The following CRACD variants were observed in gnomAD, a reference collection of about 807,000 sequenced individuals.
CRACD encodes the protein capping protein inhibiting regulator of actin dynamics, also known as capping protein-inhibiting regulator of actin dynamics.
In CRACD, 56 loss-of-function variants were observed where a neutral mutation model predicts 106.8. That is an observed-to-expected ratio of 0.52 (90% CI 0.42 to 0.66). The LOEUF (loss-of-function observed/expected upper bound fraction) is 0.66, where lower values mean the gene tolerates loss of function less well. CRACD is among the 30% of genes least tolerant of loss of function. CRACD has a pLI of 0.00. For missense variants in CRACD, 1,730 were observed against 1,623.2 expected (o/e 1.07, Z -1.13); for synonymous variants, 754 against 670.8 (o/e 1.12, Z -1.92).
At chr4:56,271,732 T>C (rs1275672699) in intron 2 of CRACD, among the ~76,000 whole-genome samples, 4 of 152,080 alleles carry the variant, frequency 2.6e-5, no homozygotes, top group African/African-American at 4.8e-5. Context: ...CTTTTCTTTT[T>C]CTTTTTTATT....
Position 56,307,543 on chromosome 4 carries a change from G to A in CRACD, c.129G>A (p.Leu43=). ...LGKVKTLQQQ[L]GKNIKFGQRS... ...CTTCTGTTTCTCTCCAGCAACAGTT[G>A]GGCAAGAATATCAAGTTTGGGCAGC... Residue 43 remains leucine (L), a synonymous_variant, in exon 5 of 11, where the codon TTG becomes TTA. Transcript: ENST00000682029. 6.2e-7 allele frequency: 1 copy of A among 1,614,058 alleles called. No homozygotes were observed. The highest frequency in any genetic ancestry group is 8.5e-7 in the Non-Finnish European group (1 of 1,180,008).
intron 1 of CRACD, among the ~76,000 whole-genome samples, chr4:56,068,280 G>C (rs1257476144): frequency 6.6e-6 from 1 of 152,348 alleles, no homozygotes; most frequent in Non-Finnish European, 1.5e-5. Flanking sequence ...GACAGCAAGT[G>C]TAACGGGCCA....
chr4:56,322,853 A>C (rs1185695859), intron 8 of CRACD, among the ~76,000 whole-genome samples: 1 of 152,124 alleles, frequency 6.6e-6, no homozygotes, highest in African/African-American at 2.4e-5. Flanking sequence ...ACATGGTAAA[A>C]ACCCATCTCT....
chr4:56,070,275 C>G (rs138070682), intron 1 of CRACD, among the ~76,000 whole-genome samples: 3,630 of 151,642 alleles, frequency 0.024, 64 homozygotes, highest in Admixed American at 0.058. Context: ...CTTCCACTTC[C>G]TCTCTCCCTA....
intron 1 of CRACD, among the ~76,000 whole-genome samples, chr4:56,092,913 T>G (rs758594346): frequency 2.0e-5 from 3 of 152,182 alleles, no homozygotes; most frequent in Non-Finnish European, 4.4e-5. Flanking sequence ...GCTCGGCCTC[T>G]TTTTAACTTT....
At chr4:56,163,092 C>A (rs1288083917) in intron 1 of CRACD, among the ~76,000 whole-genome samples, 1 of 152,130 alleles carries the variant, frequency 6.6e-6, no homozygotes, top group Non-Finnish European at 1.5e-5. Flanking sequence ...GGCCTCTTCA[C>A]CCTCCACGCT....
intron 2 of CRACD, among the ~76,000 whole-genome samples, chr4:56,183,464 A>C (rs1270408706): frequency 1.3e-5 from 2 of 152,146 alleles, no homozygotes; most frequent in African/African-American, 2.4e-5. Context: ...ACGCGAGAAA[A>C]GGAAGGCTAC....
chr4:56,270,709 A>G (rs140579887), intron 2 of CRACD, among the ~76,000 whole-genome samples: 32 of 152,236 alleles, frequency 2.1e-4, no homozygotes, highest in Non-Finnish European at 3.5e-4. Context: ...AATAGTGTCA[A>G]TGTAATAGGA....
At chr4:56,051,455 T>C (rs984342350) in intron 1 of CRACD, among the ~76,000 whole-genome samples, 6 of 152,154 alleles carry the variant, frequency 3.9e-5, no homozygotes, top group Admixed American at 2.6e-4. Context: ...AGTGGCACAA[T>C]AGAACATTTC....
chr4:56,255,094 A>T (rs1741271617), intron 2 of CRACD, among the ~76,000 whole-genome samples: 1 of 141,584 alleles, frequency 7.1e-6, no homozygotes, highest in South Asian at 2.4e-4. Context: ...AGCCTAAGTG[A>T]CAGAGTGAGA....
intron 1 of CRACD, among the ~76,000 whole-genome samples, chr4:56,134,912 T>C (rs2109869567): frequency 6.6e-6 from 1 of 150,772 alleles, no homozygotes; most frequent in African/African-American, 2.4e-5. Flanking sequence ...ATGATTCAGA[T>C]GGAAAGAACA....
At chr4:56,227,196 C>T (rs1313417382) in intron 2 of CRACD, among the ~76,000 whole-genome samples, 1 of 152,164 alleles carries the variant, frequency 6.6e-6, no homozygotes, top group Non-Finnish European at 1.5e-5. Context: ...TCTGCTACTT[C>T]CTGCAGTCAG....
At chr4:56,180,912 A>T (rs1365170024) in intron 2 of CRACD, among the ~76,000 whole-genome samples, 1 of 152,164 alleles carries the variant, frequency 6.6e-6, no homozygotes, top group Non-Finnish European at 1.5e-5. Flanking sequence ...TGGGAGTTTG[A>T]AGCTTTTAAT....
intron 1 of CRACD, among the ~76,000 whole-genome samples, chr4:56,126,383 A>G (rs1227972588): frequency 6.6e-6 from 1 of 152,188 alleles, no homozygotes; most frequent in Non-Finnish European, 1.5e-5. Context: ...GAATGCACGT[A>G]TCAGGCCCTT....
At chr4:56,297,095 T>C (rs912859725) in intron 3 of CRACD, among the ~76,000 whole-genome samples, 5 of 151,966 alleles carry the variant, frequency 3.3e-5, no homozygotes, top group African/African-American at 9.7e-5. Flanking sequence ...AATTTTTTTG[T>C]TTTTGTTTTT....
At chr4:56,325,440 G>A (rs1418196545) in intron 10 of CRACD, among the ~76,000 whole-genome samples, 1 of 152,208 alleles carries the variant, frequency 6.6e-6, no homozygotes, top group African/African-American at 2.4e-5. Context: ...ATGGTGACAC[G>A]TGGCTCAGAA....
rs749034559 is a variant in CRACD at position 56,314,521 on chromosome 4, G to A, written c.1019G>A (p.Arg340Lys). 2.1e-5 allele frequency: 32 copies of A among 1,513,154 alleles called. No individual in the cohort carries two copies. In the African/African-American group the frequency reaches 4.1e-4, roughly 19 times the overall value. The allele number at this position is 1,513,154 out of a possible 1,614,324, so 93.7% of individuals were successfully genotyped here. ...AGGCGGCGGCTGGAGGAGGACGCCA[G>A]GCTGGAGGAGCGGAGGCGGCAGGAG... ...EERRRLEEDARLEERRRQEEE... is the reference protein window; with the variant it reads ...EERRRLEEDAKLEERRRQEEE... Residue 340 changes from arginine to lysine, a missense_variant, in exon 8 of 11, where the codon AGG (arginine) becomes AAG (lysine). Arg to Lys is a conservative substitution (Grantham distance 26). Coordinates refer to ENST00000682029, the MANE Select transcript of CRACD (RefSeq NM_001393381.1). The surrounding 1 kb of genome is among the most constrained non-coding windows in gnomAD (Gnocchi z 4.4).
chr4:56,168,666 T>C (rs979845245), intron 1 of CRACD, among the ~76,000 whole-genome samples: 2 of 148,952 alleles, frequency 1.3e-5, no homozygotes, highest in African/African-American at 4.9e-5. Context: ...TATTCAACTA[T>C]ATATATAATT....
At chr4:56,190,747 T>C (rs1332154584) in intron 2 of CRACD, among the ~76,000 whole-genome samples, 1 of 152,142 alleles carries the variant, frequency 6.6e-6, no homozygotes, top group Non-Finnish European at 1.5e-5. Context: ...GATCTACTAT[T>C]CTGGGATCTG....
Sources: allele counts gnomAD v4.1 joint callset (sites outside exome capture counted in the v4.1 genomes callset), GRCh38; gene constraint gnomAD v4.1.1; non-coding constraint Gnocchi (gnomAD v3.1); transcripts MANE v1.5; gene names NCBI Gene and HGNC (gene_info 2026-07-23, HGNC 2026-07-21).